Variants in COL5A2 observed in about 807,000 individuals in gnomAD.
The protein encoded by COL5A2 is collagen type V alpha 2 chain.
Under a neutral mutation model 208.2 loss-of-function variants are expected in COL5A2, and 23 were observed. The ratio of observed to expected loss-of-function variants is 0.11; its 90% confidence interval spans 0.08 to 0.16. COL5A2 has a LOEUF of 0.16. Among genes scored for constraint, COL5A2 ranks in the 10% least tolerant of loss-of-function variants. COL5A2 has a pLI of 1.00. For synonymous variants in COL5A2, 625 were observed against 628.5 expected, an observed-to-expected ratio of 0.99 and a Z score of 0.08; for missense variants, 1,590 against 1,956.4, an observed-to-expected ratio of 0.81 and a Z score of 3.53.
chr2:189,113,725 AAT>A (rs1226031932), intron 1 of COL5A2, among the ~76,000 whole-genome samples: 2 of 149,750 alleles, frequency 1.3e-5, no homozygotes, highest in African/African-American at 2.4e-5. Context: ...ATTATAACAA[AAT>A]ATGTTATTAT....
At chr2:189,140,849 T>A (rs2105771402) in intron 1 of COL5A2, among the ~76,000 whole-genome samples, 1 of 152,322 alleles carries the variant, frequency 6.6e-6, no homozygotes, top group South Asian at 2.1e-4. Flanking sequence ...TTTTAATAAT[T>A]CTTATTGCAA....
chr2:189,063,015 G>C lies in COL5A2; in HGVS notation c.1918C>G (p.Gln640Glu), dbSNP rs772287375. The change falls in exon 28 of 54, where the codon CAG becomes GAG. Residue 640 changes from glutamine (Q) to glutamate (E), a missense_variant. By Grantham distance (29) the Gln-to-Glu change is conservative. Transcript: ENST00000374866. ...AGCAGAAAATGTATATTTACCCTCT[G>C]CCCAGGAACTCCAGCATTTCCTGCT... ...GEAGNAGVPGQRGAPGKDGEV... is the reference protein window; with the variant it reads ...GEAGNAGVPGERGAPGKDGEV... 3.7e-6 allele frequency: 6 copies of C among 1,613,954 alleles called. No homozygotes were observed. In the Admixed American group the frequency reaches 1.0e-4, roughly 27 times the overall value.
At chr2:189,278,981 T>C in the COL5A2 span, among the ~76,000 whole-genome samples, 1 of 152,008 alleles carries the variant, frequency 6.6e-6, no homozygotes, top group African/African-American at 2.4e-5. Context: ...AAAATACCTA[T>C]TATACTTGTT....
intron 26 of COL5A2, among the ~76,000 whole-genome samples, chr2:189,063,756 C>A (rs577878814): frequency 2.0e-5 from 3 of 152,136 alleles, no homozygotes; most frequent in African/African-American, 4.8e-5. Flanking sequence ...TGATGTCAGG[C>A]AGGGAAGCAA....
the COL5A2 span, among the ~76,000 whole-genome samples, chr2:189,237,596 T>C: frequency 5.3e-5 from 8 of 151,986 alleles, no homozygotes; most frequent in East Asian, 1.4e-3. Flanking sequence ...TGATGATATA[T>C]AAGTAGAACA....
intron 1 of COL5A2, among the ~76,000 whole-genome samples, chr2:189,177,716 G>C (rs1252321088): frequency 1.3e-5 from 2 of 152,094 alleles, no homozygotes; most frequent in African/African-American, 4.8e-5. Context: ...TTTGCATCAA[G>C]CATCACATTC....
intron 1 of COL5A2, among the ~76,000 whole-genome samples, chr2:189,144,574 A>T (rs1688002738): frequency 6.6e-6 from 1 of 151,444 alleles, no homozygotes; most frequent in African/African-American, 2.4e-5. Context: ...ATATTTATAT[A>T]TTTTTCAAGA....
the COL5A2 span, among the ~76,000 whole-genome samples, chr2:189,338,229 CCTGGCTCTGTATTCCATAGCT>C: frequency 2.0e-5 from 3 of 152,126 alleles, no homozygotes; most frequent in Non-Finnish European, 4.4e-5. Context: ...CCTCCAGATC[CCTGGCTCTGTATTCCATAGCT>C]CTGGCTCTCA....
chr2:189,197,959 C>T (rs1389850048), intron 1 of COL5A2, among the ~76,000 whole-genome samples: 1 of 151,854 alleles, frequency 6.6e-6, no homozygotes, highest in East Asian at 1.9e-4. Flanking sequence ...ACGCCATTCT[C>T]GTGCCTCAGC....
intron 1 of COL5A2, among the ~76,000 whole-genome samples, chr2:189,173,992 T>C (rs898947835): frequency 2.0e-5 from 3 of 152,256 alleles, no homozygotes; most frequent in African/African-American, 7.2e-5. Flanking sequence ...AGTTGATCCA[T>C]GTCCATACAT....
At chr2:189,061,525 A>T in intron 30 of COL5A2, 37 bp downstream of exon 30, 2 of 1,474,118 alleles carry the variant, frequency 1.4e-6, no homozygotes, top group Non-Finnish European at 1.9e-6. Context: ...CATTTTAGTT[A>T]ATGGAAGATG....
the COL5A2 span, among the ~76,000 whole-genome samples, chr2:189,280,367 A>G: frequency 2.0e-4 from 30 of 152,262 alleles, no homozygotes; most frequent in East Asian, 5.8e-3. Context: ...ATTTTGCTAT[A>G]CTATAAATAC....
At chr2:189,307,690 A>C in the COL5A2 span, among the ~76,000 whole-genome samples, 1 of 152,218 alleles carries the variant, frequency 6.6e-6, no homozygotes, top group Non-Finnish European at 1.5e-5. Flanking sequence ...TTAAGGGAAC[A>C]GATTGATAAT....
intron 3 of COL5A2, among the ~76,000 whole-genome samples, chr2:189,100,375 C>T (rs1559104356): frequency 6.6e-6 from 1 of 152,048 alleles, no homozygotes; most frequent in Non-Finnish European, 1.5e-5. Context: ...ATATGTAAAG[C>T]TATTTTGCTT....
At chr2:189,369,002 G>A in the COL5A2 span, among the ~76,000 whole-genome samples, 8 of 152,264 alleles carry the variant, frequency 5.3e-5, no homozygotes, top group African/African-American at 1.9e-4. Flanking sequence ...GATTTCATTT[G>A]TGCCATGAGA....
chr2:189,355,654 A>C, the COL5A2 span, among the ~76,000 whole-genome samples: 2 of 151,950 alleles, frequency 1.3e-5, no homozygotes, highest in East Asian at 3.9e-4. Flanking sequence ...CCTTCCCTTT[A>C]TTTTGAGCCT....
the COL5A2 span, among the ~76,000 whole-genome samples, chr2:189,294,267 G>A: frequency 6.6e-6 from 1 of 152,050 alleles, no homozygotes; most frequent in African/African-American, 2.4e-5. Context: ...TGCTGTTAAG[G>A]GAACATAAAA....
chr2:189,282,600 C>A, the COL5A2 span, among the ~76,000 whole-genome samples: 3,604 of 152,268 alleles, frequency 0.024, 91 homozygotes, highest in Admixed American at 0.068. Context: ...GACACACTAA[C>A]ACTAAGAAAT....
At chr2:189,322,635 T>A in the COL5A2 span, among the ~76,000 whole-genome samples, 1 of 152,132 alleles carries the variant, frequency 6.6e-6, no homozygotes, top group Non-Finnish European at 1.5e-5. Context: ...AGGAAGAAGT[T>A]GAATCTCTGA....
Sources: allele counts gnomAD v4.1 joint callset (sites outside exome capture counted in the v4.1 genomes callset), GRCh38; gene constraint gnomAD v4.1.1; transcripts MANE v1.5; gene names NCBI Gene and HGNC (gene_info 2026-07-23, HGNC 2026-07-21).